SH3PXD2A: variants seen among roughly 807,000 people sequenced by gnomAD.
The protein encoded by SH3PXD2A is SH3 and PX domain-containing protein 2A.
In SH3PXD2A, 32 loss-of-function variants were observed where a neutral mutation model predicts 115.2. The observed-to-expected ratio is 0.28, with a 90% confidence interval of 0.21 to 0.37. The LOEUF is 0.37. Ranked by LOEUF, SH3PXD2A falls within the 10% of genes least tolerant of loss-of-function variation. SH3PXD2A has a pLI of 1.00. For missense variants in SH3PXD2A, 1,328 were observed against 1,498.7 expected, an observed-to-expected ratio of 0.89 and a Z score of 1.88; for synonymous variants, 610 against 629.1, an observed-to-expected ratio of 0.97 and a Z score of 0.45.
chr10:103,703,550 A>C (rs1309410395), intron 5 of SH3PXD2A, among the ~76,000 whole-genome samples: 1 of 152,124 alleles, frequency 6.6e-6, no homozygotes, highest in Admixed American at 6.5e-5. Context: ...TTGACCCCCA[A>C]TAGCACTGAA....
chr10:103,724,403 T>C, intron 4 of SH3PXD2A, 42 bp from the exon 5 acceptor site: 1 of 1,254,780 alleles, frequency 8.0e-7, no homozygotes, highest in Non-Finnish European at 1.1e-6. Context: ...TGTGATGAAC[T>C]TGGGAACAGG....
At chr10:103,703,123 T>G (rs774401708) in intron 5 of SH3PXD2A, among the ~76,000 whole-genome samples, 1 of 152,292 alleles carries the variant, frequency 6.6e-6, no homozygotes, top group South Asian at 2.1e-4. Context: ...CCACCCAAAG[T>G]CAGGCTGTGC....
intron 5 of SH3PXD2A, among the ~76,000 whole-genome samples, chr10:103,710,153 G>A (rs1297005049): frequency 6.6e-6 from 1 of 151,470 alleles, no homozygotes; most frequent in Non-Finnish European, 1.5e-5. Context: ...AGCACTTTGG[G>A]AGGCCAAGGT....
intron 8 of SH3PXD2A, among the ~76,000 whole-genome samples, chr10:103,650,275 T>C (rs2134020773): frequency 6.6e-6 from 1 of 152,176 alleles, no homozygotes; most frequent in African/African-American, 2.4e-5. Flanking sequence ...TCCTGGGACC[T>C]CAGAGACAGC....
intron 1 of SH3PXD2A, among the ~76,000 whole-genome samples, chr10:103,826,522 A>G (rs2039431642): frequency 6.6e-6 from 1 of 152,216 alleles, no homozygotes; most frequent in South Asian, 2.1e-4. Context: ...CAGCTCCTGC[A>G]GGTGATCAAA....
At chr10:103,805,119 CTG>C (rs538020972) in intron 1 of SH3PXD2A, among the ~76,000 whole-genome samples, 2 of 152,216 alleles carry the variant, frequency 1.3e-5, no homozygotes, top group Non-Finnish European at 2.9e-5. Context: ...AAGGGCTTAA[CTG>C]AGGCTTAACA....
intron 2 of SH3PXD2A, among the ~76,000 whole-genome samples, chr10:103,776,455 T>C (rs2038880802): frequency 1.3e-5 from 2 of 149,994 alleles, no homozygotes; most frequent in Admixed American, 6.7e-5. Context: ...TGTGTGTGTG[T>C]GTGTGTGTGT....
chr10:103,661,864 CAAG>C, intron 7 of SH3PXD2A: 2 of 985,256 alleles, frequency 2.0e-6, no homozygotes, highest in Non-Finnish European at 2.4e-6. Context: ...ACTTGAAACC[CAAG>C]AAGAAAGTCC....
chr10:103,809,771 AC>A (rs1387520736), intron 1 of SH3PXD2A, among the ~76,000 whole-genome samples: 4 of 137,626 alleles, frequency 2.9e-5, no homozygotes, highest in Admixed American at 8.1e-5. Context: ...TACAACCTCC[AC>A]CTCCCAGGTT....
chr10:103,629,096 A>G (rs2036740551), intron 8 of SH3PXD2A, among the ~76,000 whole-genome samples: 1 of 152,156 alleles, frequency 6.6e-6, no homozygotes, highest in Non-Finnish European at 1.5e-5. Context: ...ACCCACACCA[A>G]TTCTCAGGTA....
In SH3PXD2A at chr10:103,855,444, G is replaced by A. The variant is rs1290075216; in HGVS notation, c.-178C>T. Reference sequence around the variant, plus strand: ...CGGCCCAGGGACGGGGGAGGGTCCCGGAGGGCGCGCGGGCTCCGTGCGCCC... The same window carrying A: ...CGGCCCAGGGACGGGGGAGGGTCCCAGAGGGCGCGCGGGCTCCGTGCGCCC... On this transcript the variant is annotated 5_prime_UTR_variant, in exon 1 of 15. Coordinates refer to ENST00000369774, the MANE Select transcript of SH3PXD2A (RefSeq NM_001394015.1). The A allele has an allele frequency of 6.5e-5, 17 of 259,994 alleles. No homozygotes were observed. The highest frequency in any genetic ancestry group is 2.1e-5 in the Non-Finnish European group (3 of 142,062). The allele number at this position is 259,994 out of a possible 1,614,324, so 16.1% of individuals were successfully genotyped here.
chr10:103,611,576 C>T lies in SH3PXD2A; in HGVS notation c.1308+5G>A, dbSNP rs762872876. ...GAAAGGGGAGAAGAAATTCAGTACA[C>T]ATACCAGGCTGGATTCTCTGCGTGG... On this transcript the variant is annotated splice_donor_5th_base_variant and intron_variant, in intron 13 of 14. Coordinates refer to ENST00000369774, the MANE Select transcript of SH3PXD2A (RefSeq NM_001394015.1). The T allele has an allele frequency of 1.9e-6, 3 of 1,613,232 alleles. No individual in the cohort carries two copies. The highest frequency in any genetic ancestry group is 1.1e-5 in the South Asian group (1 of 91,054).
At chr10:103,651,410 T>TG (rs1390444703) in intron 8 of SH3PXD2A, among the ~76,000 whole-genome samples, 1 of 152,242 alleles carries the variant, frequency 6.6e-6, no homozygotes, top group Admixed American at 6.5e-5. Flanking sequence ...CCTGCCCCAG[T>TG]GGGGCTTTAG....
intron 2 of SH3PXD2A, among the ~76,000 whole-genome samples, chr10:103,792,026 A>G (rs76461302): frequency 0.12 from 17,873 of 152,010 alleles, 1,700 homozygotes; most frequent in East Asian, 0.33. Flanking sequence ...GTTCATACTC[A>G]GGCCACAGGC....
In SH3PXD2A at chr10:103,696,103, G is replaced by A. The variant is rs549464542; in HGVS notation, c.399-3047C>T. On this transcript the variant is annotated intron_variant, in intron 5 of 14. Transcript: ENST00000369774. ...AGGCAGAGCCCAGAGGGCCTGATCAGCACATGGGGTTAATGGGGTGGAGGC... is the reference window on the plus strand; with the variant it reads ...AGGCAGAGCCCAGAGGGCCTGATCAACACATGGGGTTAATGGGGTGGAGGC... 5.9e-5 allele frequency among the ~76,000 whole-genome samples: 9 copies of A among 152,320 alleles called. No homozygotes were observed. In the South Asian group the frequency reaches 1.7e-3, roughly 28 times the overall value.
intron 8 of SH3PXD2A, among the ~76,000 whole-genome samples, chr10:103,652,762 T>C (rs577811738): frequency 2.8e-3 from 432 of 152,218 alleles, no homozygotes; most frequent in Non-Finnish European, 4.0e-3. Context: ...GCAGTGTCTG[T>C]GTGTTGGGGG....
intron 1 of SH3PXD2A, among the ~76,000 whole-genome samples, chr10:103,809,213 G>C (rs1456118704): frequency 6.6e-6 from 1 of 152,170 alleles, no homozygotes; most frequent in Admixed American, 6.5e-5. Context: ...CCACCACTTA[G>C]AAGCCTGGAT....
At chr10:103,662,108 C>A (rs3781342) in intron 7 of SH3PXD2A, 123,170 of 320,292 alleles carry the variant, frequency 0.38, 24,491 homozygotes, top group Admixed American at 0.41. Context: ...CAGGCCCCGG[C>A]AGTTTGAGGG....
At chr10:103,811,931 G>T (rs1329335792) in intron 1 of SH3PXD2A, among the ~76,000 whole-genome samples, 1 of 152,176 alleles carries the variant, frequency 6.6e-6, no homozygotes, top group Non-Finnish European at 1.5e-5. Context: ...ACAGTGCCTT[G>T]GACACTGTAG....
Sources: allele counts gnomAD v4.1 joint callset (sites outside exome capture counted in the v4.1 genomes callset), GRCh38; gene constraint gnomAD v4.1.1; transcripts MANE v1.5; gene names NCBI Gene and HGNC (gene_info 2026-07-23, HGNC 2026-07-21).